Variants in DPYD observed in about 807,000 individuals in gnomAD.
DPYD encodes the protein dihydropyrimidine dehydrogenase [NADP(+)].
Under a neutral mutation model 116.2 loss-of-function variants are expected in DPYD, and 109 were observed. The observed-to-expected ratio is 0.94, with a 90% CI of 0.80 to 1.10. The LOEUF (loss-of-function observed/expected upper bound fraction) is 1.10, where lower values mean the gene tolerates loss of function less well. Among genes scored for constraint, DPYD ranks in the 50% least tolerant of loss-of-function variants. DPYD has a pLI of 0.00. For synonymous variants in DPYD, 440 were observed against 432.0 expected (o/e 1.02, Z -0.23); for missense variants, 1,302 against 1,254.5 (o/e 1.04, Z -0.57).
intron 20 of DPYD, among the ~76,000 whole-genome samples, chr1:97,142,244 C>A (rs937435221): frequency 6.6e-5 from 10 of 152,258 alleles, no homozygotes; most frequent in Admixed American, 2.6e-4. Flanking sequence ...TCATATTGTA[C>A]ATTAGGGATA....
At chr1:97,731,814 T>G (rs1471026265) in intron 4 of DPYD, among the ~76,000 whole-genome samples, 1 of 152,004 alleles carries the variant, frequency 6.6e-6, no homozygotes, top group African/African-American at 2.4e-5. Context: ...AGATTTTTCT[T>G]GTCTTAATAT....
rs533816633 is a variant in DPYD, at chr1:97,274,105, A to G, written c.2299+31154T>C. Reference sequence around the variant, plus strand: ...GGCAATATTTACTTTAGCAGCTTACATTTTAAAGAATAAAAACGAGAAAAT... The same window carrying G: ...GGCAATATTTACTTTAGCAGCTTACGTTTTAAAGAATAAAAACGAGAAAAT... On this transcript the variant is annotated intron_variant, in intron 18 of 22. Coordinates refer to ENST00000370192, the MANE Select transcript of DPYD (RefSeq NM_000110.4). Among the ~76,000 whole-genome samples, 46 of 152,336 alleles carry G rather than the reference A, an allele frequency of 3.0e-4. No homozygotes were observed. The South Asian group carries it at 9.3e-3, about 31-fold the overall frequency.
intron 18 of DPYD, among the ~76,000 whole-genome samples, chr1:97,256,024 A>G (rs1663437027): frequency 6.6e-6 from 1 of 152,124 alleles, no homozygotes; most frequent in South Asian, 2.1e-4. Flanking sequence ...ATAAGAAATT[A>G]GTATTGACTG....
chr1:97,266,475 T>C (rs762743782), intron 18 of DPYD, among the ~76,000 whole-genome samples: 18 of 152,200 alleles, frequency 1.2e-4, no homozygotes, highest in Non-Finnish European at 1.5e-5. Flanking sequence ...TGCTGTATGC[T>C]GCTATAACAG....
chr1:97,773,566 G>C (rs758659911), intron 3 of DPYD, among the ~76,000 whole-genome samples: 6 of 152,200 alleles, frequency 3.9e-5, no homozygotes, highest in African/African-American at 1.4e-4. Flanking sequence ...AAAACCCCGA[G>C]ACACGAGGAG....
At chr1:97,520,688 A>G (rs1489993205) in intron 12 of DPYD, among the ~76,000 whole-genome samples, 2 of 145,984 alleles carry the variant, frequency 1.4e-5, no homozygotes, top group Non-Finnish European at 3.0e-5. Context: ...ATGTGTTCTC[A>G]TTGTTCAACT....
Position 97,828,190 on chromosome 1 carries a change from C to G in DPYD, c.157G>C (p.Glu53Gln), listed in dbSNP as rs1432796297. Reference sequence around the variant, plus strand: ...TCATCAAAATTATTCTCCAGCTTCTCACAATTCTGCAACATATTTAAAAAT... The same window carrying G: ...TCATCAAAATTATTCTCCAGCTTCTGACAATTCTGCAACATATTTAAAAAT... Reference protein sequence around the residue: ...RNPDKNCFNCEKLENNFDDIK... With the variant: ...RNPDKNCFNCQKLENNFDDIK... Residue 53 changes from glutamate to glutamine, a missense_variant, in exon 3 of 23, where the codon GAG becomes CAG. Transcript: ENST00000370192. 1 of 1,613,068 alleles carries G rather than the reference C, an allele frequency of 6.2e-7. No individual in the cohort carries two copies. The highest frequency in any genetic ancestry group is 8.5e-7 in the Non-Finnish European group (1 of 1,179,682).
chr1:97,580,050 C>T (rs1347408967), intron 10 of DPYD, among the ~76,000 whole-genome samples: 1 of 152,116 alleles, frequency 6.6e-6, no homozygotes, highest in Non-Finnish European at 1.5e-5. Flanking sequence ...GCATCATACT[C>T]TAGAAATTAT....
intron 3 of DPYD, among the ~76,000 whole-genome samples, chr1:97,770,192 GATT>G (rs1390309184): frequency 6.6e-6 from 1 of 152,158 alleles, no homozygotes; most frequent in Non-Finnish European, 1.5e-5. Flanking sequence ...TTGGTGTAAA[GATT>G]ATTATCAGTA....
At chr1:97,196,813 A>G (rs571314680) in intron 19 of DPYD, among the ~76,000 whole-genome samples, 1 of 152,184 alleles carries the variant, frequency 6.6e-6, no homozygotes, top group Non-Finnish European at 1.5e-5. Flanking sequence ...TTAACAGAGG[A>G]AAAACTTTTA....
At chr1:97,912,370 A>C (rs947789209) in intron 1 of DPYD, among the ~76,000 whole-genome samples, 1 of 152,154 alleles carries the variant, frequency 6.6e-6, no homozygotes, top group Non-Finnish European at 1.5e-5. Context: ...GCTTGAATAC[A>C]TTTTGATATC....
At chr1:97,448,173 C>T (rs1048724742) in intron 14 of DPYD, among the ~76,000 whole-genome samples, 6 of 152,062 alleles carry the variant, frequency 3.9e-5, no homozygotes, top group Admixed American at 2.0e-4. Flanking sequence ...GCCATGATGG[C>T]GCCAATGTAC....
At chr1:97,592,765 C>T (rs1654610827) in intron 10 of DPYD, among the ~76,000 whole-genome samples, 1 of 152,150 alleles carries the variant, frequency 6.6e-6, no homozygotes, top group Non-Finnish European at 1.5e-5. Context: ...TTTCTATTTG[C>T]TTCACAAATA....
At chr1:97,162,108 A>AAT (rs1655954995) in intron 20 of DPYD, among the ~76,000 whole-genome samples, 3 of 151,962 alleles carry the variant, frequency 2.0e-5, no homozygotes, top group Admixed American at 2.0e-4. Context: ...GGCTGGGTCA[A>AAT]ATGGTATTTC....
chr1:97,760,298 C>A (rs1173629358), intron 3 of DPYD, among the ~76,000 whole-genome samples: 1 of 152,084 alleles, frequency 6.6e-6, no homozygotes, highest in Non-Finnish European at 1.5e-5. Context: ...ATATTTGAAT[C>A]TCTCTCTCAC....
chr1:97,422,571 C>T (rs369715332), intron 14 of DPYD, among the ~76,000 whole-genome samples: 4 of 152,040 alleles, frequency 2.6e-5, no homozygotes, highest in South Asian at 2.1e-4. Flanking sequence ...CCTACCTCCA[C>T]GGGCTACTGG....
intron 10 of DPYD, among the ~76,000 whole-genome samples, chr1:97,584,296 G>A (rs1653924668): frequency 6.6e-6 from 1 of 151,994 alleles, no homozygotes; most frequent in South Asian, 2.1e-4. Context: ...GTTCATTGTA[G>A]ATTCTGGATA....
intron 20 of DPYD, among the ~76,000 whole-genome samples, chr1:97,129,076 T>TC (rs1653071792): frequency 6.8e-6 from 1 of 146,302 alleles, no homozygotes; most frequent in Non-Finnish European, 1.5e-5. Flanking sequence ...ATTCTTTTTT[T>TC]TTTTTTTTTA....
chr1:97,305,285 T>C lies in DPYD; in HGVS notation c.2273A>G (p.Lys758Arg). 1 of 1,612,408 alleles carries C rather than the reference T, an allele frequency of 6.2e-7. No homozygotes were observed. The highest frequency in any genetic ancestry group is 8.5e-7 in the Non-Finnish European group (1 of 1,178,948). ...AGACACTCCTCCATATGTAGTTCGC[T>C]TTGCAATCCCCACTGCTGGCCAAGG... ...GTPWPAVGIA[K>R]RTTYGGVSGT... Residue 758 changes from lysine to arginine, a missense_variant, in exon 18 of 23, where the codon AAG becomes AGG. Lys to Arg is a conservative substitution (Grantham distance 26). Coordinates refer to ENST00000370192, the MANE Select transcript of DPYD (RefSeq NM_000110.4).
Sources: gnomAD v4.1 joint callset for allele counts (sites outside exome capture counted in the v4.1 genomes callset) on GRCh38, gnomAD v4.1.1 for gene constraint, MANE v1.5 for transcripts, NCBI Gene and HGNC (gene_info 2026-07-23, HGNC 2026-07-21) for gene names.